The following WAPL variants were observed in gnomAD, a reference collection of about 807,000 sequenced individuals.
The protein encoded by WAPL is WAPL cohesin release factor, also known as wings apart-like protein homolog.
A neutral mutation model predicts 121.0 loss-of-function variants in WAPL; 5 were observed. The ratio of observed to expected loss-of-function variants is 0.04; its 90% CI spans 0.02 to 0.09. The LOEUF (loss-of-function observed/expected upper bound fraction) is 0.09, where lower values mean the gene tolerates loss of function less well. Ranked by LOEUF, WAPL falls within the 10% of genes least tolerant of loss-of-function variation. The pLI, the probability that WAPL is intolerant of heterozygous loss-of-function variation, is 1.00. For missense variants in WAPL, 999 were observed against 1,410.8 expected (o/e 0.71, Z 4.68); for synonymous variants, 480 against 481.5 (o/e 1.00, Z 0.04).
chr10:86,517,415 T>C (rs958501350), intron 2 of WAPL, among the ~76,000 whole-genome samples, 156 bp downstream of exon 2: 3 of 152,240 alleles, frequency 2.0e-5, no homozygotes, highest in African/African-American at 4.8e-5. Flanking sequence ...ACTGGTTTCT[T>C]TAAAGTTCTT....
chr10:86,455,787 A>G (rs992445734), intron 12 of WAPL, among the ~76,000 whole-genome samples: 3 of 152,104 alleles, frequency 2.0e-5, no homozygotes, highest in Non-Finnish European at 4.4e-5. Flanking sequence ...GCGTAAATCT[A>G]TAATTGTAAA....
chr10:86,467,833 C>A (rs940199110), intron 8 of WAPL, among the ~76,000 whole-genome samples: 2 of 151,920 alleles, frequency 1.3e-5, no homozygotes, highest in South Asian at 4.2e-4. Flanking sequence ...TGTGCCACCA[C>A]GCCCAGCTTA....
chr10:86,521,290 C>T (rs532968202), intron 1 of WAPL, 75 bp downstream of exon 1: 107 of 244,544 alleles, frequency 4.4e-4, no homozygotes, highest in Admixed American at 1.8e-3. Context: ...ACTTCCACCG[C>T]CCGCTCCCAG....
chr10:86,490,385 A>C (rs1293374432), intron 4 of WAPL, among the ~76,000 whole-genome samples: 1 of 152,216 alleles, frequency 6.6e-6, no homozygotes, highest in Non-Finnish European at 1.5e-5. Flanking sequence ...TCAAGTTGCC[A>C]TGACCTGATT....
chr10:86,481,945 A>G (rs1324800777), intron 4 of WAPL, among the ~76,000 whole-genome samples: 1 of 152,154 alleles, frequency 6.6e-6, no homozygotes, highest in East Asian at 1.9e-4. Flanking sequence ...GACAGCAAAC[A>G]CTGTGAAGAG....
chr10:86,515,371 G>A (rs182330009), intron 2 of WAPL, among the ~76,000 whole-genome samples: 1 of 152,154 alleles, frequency 6.6e-6, no homozygotes, highest in East Asian at 1.9e-4. Context: ...TGCTCAATAT[G>A]TTGATAATAA....
chr10:86,462,414 C>A (rs1379929873), intron 9 of WAPL, among the ~76,000 whole-genome samples: 1 of 152,084 alleles, frequency 6.6e-6, no homozygotes, highest in Non-Finnish European at 1.5e-5. Context: ...TAATCTACTT[C>A]TTTTAAAAAA....
At chr10:86,494,927 T>C (rs1031748201) in intron 4 of WAPL, among the ~76,000 whole-genome samples, 3 of 152,132 alleles carry the variant, frequency 2.0e-5, no homozygotes, top group Non-Finnish European at 4.4e-5. Context: ...TCATACAGTT[T>C]TCTAGAAATT....
intron 17 of WAPL, among the ~76,000 whole-genome samples, chr10:86,441,771 G>A (rs1487323864): frequency 6.6e-6 from 1 of 152,076 alleles, no homozygotes; most frequent in Non-Finnish European, 1.5e-5. Flanking sequence ...AGAGGTCGAG[G>A]CAGGAGGATC....
chr10:86,503,682 G>A (rs1450805901), intron 2 of WAPL, among the ~76,000 whole-genome samples: 1 of 151,896 alleles, frequency 6.6e-6, no homozygotes. Flanking sequence ...GAACCCGGAA[G>A]GCGGAGCTTG....
Position 86,454,310 on chromosome 10 carries a change from T to C in WAPL, c.2658-479A>G, listed in dbSNP as rs115079210. Among the ~76,000 whole-genome samples the C allele has an allele frequency of 5.4e-3, 824 of 152,358 alleles. 8 individuals carry two copies. The highest frequency in any genetic ancestry group is 0.019 in the African/African-American group (786 of 41,586). On this transcript the variant is annotated intron_variant, in intron 12 of 18. Transcript: ENST00000298767. ...TAATTTAAGTTCATTCAAATTGACA[T>C]GTCTCCTCGACAATTTTCCAAGGGG... is the stretch of plus-strand genomic sequence containing the variant.
intron 11 of WAPL, 140 bp from the exon 12 acceptor site, chr10:86,459,205 C>A: frequency 1.6e-6 from 1 of 612,144 alleles, no homozygotes; most frequent in Non-Finnish European, 2.7e-6. Context: ...AATTTCACAA[C>A]CTACAGGTTC....
chr10:86,438,794 C>G (rs1401885056), intron 17 of WAPL, among the ~76,000 whole-genome samples: 1 of 152,166 alleles, frequency 6.6e-6, no homozygotes, highest in Non-Finnish European at 1.5e-5. Flanking sequence ...CAAAGGCAAT[C>G]TAACCTCATC....
intron 16 of WAPL, among the ~76,000 whole-genome samples, 185 bp downstream of exon 16, chr10:86,446,057 C>T (rs1394349419): frequency 1.3e-5 from 2 of 152,180 alleles, no homozygotes; most frequent in African/African-American, 2.4e-5. Flanking sequence ...GCCACTGGCA[C>T]GCACCTTCCT....
chr10:86,492,232 G>T (rs995045485), intron 4 of WAPL, among the ~76,000 whole-genome samples: 1 of 152,006 alleles, frequency 6.6e-6, no homozygotes, highest in African/African-American at 2.4e-5. Context: ...AGAAGGAGAG[G>T]GGAAGAAGGA....
chr10:86,460,959 C>T (rs1238514736), intron 10 of WAPL, among the ~76,000 whole-genome samples: 3 of 152,142 alleles, frequency 2.0e-5, no homozygotes, highest in Admixed American at 6.6e-5. Context: ...GTGATCCGCC[C>T]GCCTTGGCCT....
chr10:86,511,114 C>T (rs1423758487), intron 2 of WAPL, among the ~76,000 whole-genome samples: 1 of 152,084 alleles, frequency 6.6e-6, no homozygotes, highest in Non-Finnish European at 1.5e-5. Flanking sequence ...CAGGTGTGAG[C>T]CACCATGCCT....
At chr10:86,437,723 C>T (rs746578268) in intron 18 of WAPL, 115 bp from the exon 19 acceptor site, 42 of 1,160,490 alleles carry the variant, frequency 3.6e-5, no homozygotes, top group Admixed American at 7.9e-5. Context: ...AATCAAAGTA[C>T]ACCGAGATTA....
At chr10:86,511,837 G>C (rs1032820718) in intron 2 of WAPL, among the ~76,000 whole-genome samples, 2 of 152,088 alleles carry the variant, frequency 1.3e-5, no homozygotes, top group African/African-American at 4.8e-5. Flanking sequence ...AGGCCGAGGA[G>C]GGAAGATGGC....
Sources: allele counts gnomAD v4.1 joint callset (sites outside exome capture counted in the v4.1 genomes callset), GRCh38; gene constraint gnomAD v4.1.1; transcripts MANE v1.5; gene names NCBI Gene and HGNC (gene_info 2026-07-23, HGNC 2026-07-21).